The following NRXN2 variants were observed in gnomAD, a reference collection of about 807,000 sequenced individuals.
The protein encoded by NRXN2 is neurexin-2-beta.
NRXN2 carries 29 observed loss-of-function variants against 128.8 expected under a neutral mutation model. The observed-to-expected ratio is 0.23, with a 90% confidence interval of 0.17 to 0.31. The LOEUF (loss-of-function observed/expected upper bound fraction) is 0.31, where lower values mean the gene tolerates loss of function less well. Ranked by LOEUF, NRXN2 falls within the 10% of genes least tolerant of loss-of-function variation. The pLI is 1.00. For synonymous variants in NRXN2, 1,098 were observed against 1,075.2 expected, an observed-to-expected ratio of 1.02 and a Z score of -0.41; for missense variants, 1,881 against 2,452.6, an observed-to-expected ratio of 0.77 and a Z score of 4.92.
chr11:64,612,531 T>C (rs1242560267), intron 22 of NRXN2, among the ~76,000 whole-genome samples: 1 of 152,222 alleles, frequency 6.6e-6, no homozygotes, highest in African/African-American at 2.4e-5. Flanking sequence ...TACTAGAGAA[T>C]GCCATCCCTG....
intron 11 of NRXN2, 56 bp from the exon 12 acceptor site, chr11:64,653,778 T>A: frequency 2.2e-6 from 1 of 451,786 alleles, no homozygotes; most frequent in Non-Finnish European, 3.3e-6. Flanking sequence ...GTAAAACAAG[T>A]TTTTTTTTTT....
chr11:64,615,649 CTG>C (rs773148922), intron 22 of NRXN2, among the ~76,000 whole-genome samples: 11 of 152,310 alleles, frequency 7.2e-5, no homozygotes, highest in Admixed American at 4.6e-4. Flanking sequence ...GTCTAAACAA[CTG>C]TGTGTACTTA....
intron 20 of NRXN2, 107 bp downstream of exon 20, chr11:64,626,356 T>G (rs1482921301): frequency 4.7e-6 from 4 of 843,468 alleles, no homozygotes; most frequent in Non-Finnish European, 7.7e-6. Context: ...TCCCTTCACT[T>G]GGGGGTGGGC....
At chr11:64,638,162 G>T (rs2045070273) in intron 17 of NRXN2, among the ~76,000 whole-genome samples, 1 of 152,210 alleles carries the variant, frequency 6.6e-6, no homozygotes, top group African/African-American at 2.4e-5. Flanking sequence ...GGCCCGCGGC[G>T]CACAGGCTGC....
chr11:64,680,348 G>A (rs1335870931), intron 6 of NRXN2, among the ~76,000 whole-genome samples: 1 of 152,190 alleles, frequency 6.6e-6, no homozygotes, highest in African/African-American at 2.4e-5. Flanking sequence ...CACTCCACTT[G>A]CACATAAGAG....
At chr11:64,626,267 C>T (rs2043055631) in intron 20 of NRXN2, among the ~76,000 whole-genome samples, 196 bp downstream of exon 20, 1 of 152,124 alleles carries the variant, frequency 6.6e-6, no homozygotes, top group Non-Finnish European at 1.5e-5. Context: ...CCCACTCCTA[C>T]CCCAAAAACC....
At chr11:64,646,102 C>A (rs532124005) in intron 17 of NRXN2, among the ~76,000 whole-genome samples, 1 of 152,122 alleles carries the variant, frequency 6.6e-6, no homozygotes, top group Admixed American at 6.5e-5. Flanking sequence ...CCTCCAGGGG[C>A]GGAGATCTCA....
intron 19 of NRXN2, among the ~76,000 whole-genome samples, chr11:64,627,899 G>A (rs545031031): frequency 3.9e-4 from 60 of 152,254 alleles, no homozygotes; most frequent in Middle Eastern, 3.4e-3. Flanking sequence ...CCAGAGACCC[G>A]GGCCTGGGCC....
intron 7 of NRXN2, 100 bp from the exon 8 acceptor site, chr11:64,668,704 G>A: frequency 7.3e-7 from 1 of 1,361,710 alleles, no homozygotes; most frequent in Non-Finnish European, 1.0e-6. Context: ...AGGGCAGCAG[G>A]GGAGGGGGAC....
rs2042567330 is a variant in NRXN2 at position 64,622,858 on chromosome 11, G to A, written c.4068C>T (p.Thr1356=). The A allele has an allele frequency of 6.2e-7, 1 of 1,612,688 alleles. No individual in the cohort carries two copies. Residue 1356 remains threonine, a synonymous_variant, in exon 21 of 23, where the codon ACC becomes ACT. Coordinates refer to ENST00000265459, the MANE Select transcript of NRXN2 (RefSeq NM_015080.4). This position sits in a 1 kb window ranked among gnomAD's most constrained non-coding sequence, Gnocchi z 4.3. The stretch of plus-strand genomic sequence containing the variant: ...TGGTGGTGGCCATGTCAGCCAGCAG[G>A]GTGGTGGCCGTGGTCTCCGCACTGA... The part of the protein sequence containing the change: ...VLLSAETTAT[T]LLADMATTIM...
Position 64,623,068 on chromosome 11 carries a change from C to A in NRXN2, c.3858G>T (p.Leu1286=). 1.2e-6 allele frequency: 2 copies of A among 1,601,704 alleles called. No homozygotes were observed. The highest frequency in any genetic ancestry group is 2.2e-5 in the South Asian group (2 of 89,352). Residue 1286 remains leucine, a synonymous_variant, in exon 21 of 23, where the codon CTG becomes CTT. Coordinates refer to ENST00000265459, the MANE Select transcript of NRXN2 (RefSeq NM_015080.4). The surrounding 1 kb of genome is among the most constrained non-coding windows in gnomAD (Gnocchi z 4.9). ...DEWLLDKGRQ[L]TIFNSQAAIK... ...TGGCAGCCTGGCTGTTGAAGATGGT[C>A]AGCTGGCGGCCTTGCAGGAGTGGAA...
At chr11:64,674,715 G>A (rs2051071690) in intron 7 of NRXN2, among the ~76,000 whole-genome samples, 1 of 152,124 alleles carries the variant, frequency 6.6e-6, no homozygotes, top group Admixed American at 6.5e-5. Context: ...TGTTCTCCAG[G>A]GTTTGCTAGG....
Position 64,685,967 on chromosome 11 carries a change from G to C in NRXN2, c.851-20C>G, listed in dbSNP as rs1392149336. 1.2e-6 allele frequency: 2 copies of C among 1,614,056 alleles called. No individual in the cohort carries two copies. Among genetic ancestry groups the C allele is most frequent in the Non-Finnish European group, 1.7e-6 (2 of 1,179,968 alleles). On this transcript the variant is annotated intron_variant, in intron 5 of 22. Transcript: ENST00000265459. ...CCTTGCCTGGATGCCGTGGTGTGGG[G>C]AAACGGGAGAAGGCTGAATGGGGCA...
chr11:64,620,470 C>T (rs765573851), intron 21 of NRXN2, 98 bp from the exon 22 acceptor site: 21 of 931,406 alleles, frequency 2.3e-5, no homozygotes, highest in African/African-American at 3.2e-5. Flanking sequence ...GGGGGATGCC[C>T]CTGGGCTGAG....
intron 19 of NRXN2, 34 bp from the exon 20 acceptor site, chr11:64,626,586 A>C: frequency 1.3e-6 from 2 of 1,516,450 alleles, no homozygotes; most frequent in Non-Finnish European, 1.8e-6. Context: ...TAGGTTTCTC[A>C]GGCAGCGAAG....
rs1224073872 is a variant in NRXN2, at chr11:64,668,593, C to T, written c.1209G>A (p.Ser403=). The T allele has an allele frequency of 3.7e-6, 6 of 1,613,322 alleles. No homozygotes were observed. The highest frequency in any genetic ancestry group is 2.2e-5 in the South Asian group (2 of 91,076). ...CTGTGGTGGTCAGGATCCCGTCCAC[C>T]GAGATGGTCACCTGTCCAGCCCAGG... is the stretch of plus-strand genomic sequence containing the variant. The part of the protein sequence containing the change: ...VNKLHYLVTI[S]VDGILTTTGY... The change falls in exon 8 of 23, where the codon TCG becomes TCA. Residue 403 remains serine, a synonymous_variant. Coordinates refer to ENST00000265459, the MANE Select transcript of NRXN2 (RefSeq NM_015080.4).
At position 64,713,692 on chromosome 11, in the gene NRXN2, G is replaced by A; in HGVS notation, c.8C>T (p.Ser3Phe). Residue 3 changes from serine (S) to phenylalanine (F), a missense_variant, in exon 2 of 23, where the codon TCC becomes TTC. Coordinates refer to ENST00000265459, the MANE Select transcript of NRXN2 (RefSeq NM_015080.4). ...CGGTGTCGGCCGCCACCGGCTCCCG[G>A]ACGCCATGCCTACGGCGGCCCCGGC... is the stretch of plus-strand genomic sequence containing the variant. MA[S>F]GSRWRPTPPP... The A allele has an allele frequency of 3.6e-6, 4 of 1,126,634 alleles. No homozygotes were observed. The highest frequency in any genetic ancestry group is 4.3e-6 in the Non-Finnish European group (4 of 923,906). The allele number at this position is 1,126,634 out of a possible 1,614,324, so 69.8% of individuals were successfully genotyped here.
In NRXN2 at chr11:64,620,294, C is replaced by T. The variant is rs1416486404; in HGVS notation, c.4252G>A (p.Gly1418Arg). 3 of 1,551,672 alleles carry T rather than the reference C, an allele frequency of 1.9e-6. No individual in the cohort carries two copies. The highest frequency in any genetic ancestry group is 3.9e-5 in the Admixed American group (2 of 51,166). Residue 1418 changes from glycine to arginine, a missense_variant and splice_region_variant, in exon 22 of 23, where the codon GGA (glycine) becomes AGA (arginine). By Grantham distance (125) the Gly-to-Arg change is moderately radical. This residue lies in a region of NRXN2 where 310 missense variants were observed against 318.2 expected (regional missense o/e 0.97). Transcript: ENST00000265459. The part of the protein sequence containing the change: ...EDLEECEPST[G>R]GELILPIITE... ...CAGGGGAGGGGGGAAAGGCACTCAC[C>T]AGTACTGGGCTCACACTCCTCCAGG...
At chr11:64,659,588 A>C (rs1193316791) in intron 11 of NRXN2, 1 of 152,614 alleles carries the variant, frequency 6.6e-6, no homozygotes, top group Non-Finnish European at 1.5e-5. Flanking sequence ...ACTGAATTTT[A>C]AGGCAAATGG....
Sources: allele counts gnomAD v4.1 joint callset (sites outside exome capture counted in the v4.1 genomes callset), GRCh38; gene constraint gnomAD v4.1.1; regional missense constraint gnomAD v4.1.1; non-coding constraint Gnocchi (gnomAD v3.1); transcripts MANE v1.5; gene names NCBI Gene and HGNC (gene_info 2026-07-23, HGNC 2026-07-21).